The following SLC25A26 variants were observed in gnomAD, a reference collection of about 807,000 sequenced individuals.
SLC25A26 encodes the protein solute carrier family 25 member 26, also known as mitochondrial S-adenosylmethionine carrier protein.
In SLC25A26, 36 loss-of-function variants were observed where a neutral mutation model predicts 37.8. The ratio of observed to expected loss-of-function variants is 0.95; its 90% CI spans 0.73 to 1.26. The LOEUF is 1.26. SLC25A26 is among the 50% of genes most tolerant of loss of function. SLC25A26 has a pLI of 0.00. For missense variants in SLC25A26, 390 were observed against 331.1 expected (o/e 1.18, Z -1.38); for synonymous variants, 129 against 122.5 (o/e 1.05, Z -0.35).
rs2072667458 is a variant in SLC25A26, at chr3:66,243,263, C to T, written c.251C>T (p.Ser84Leu). Residue 84 changes from serine (S) to leucine (L), a missense_variant, in exon 3 of 10, where the codon TCA becomes TTA. Transcript: ENST00000354883. ...TGGTTTTTGCATGCTGATTCATCTT[C>T]ATATTTGACACCTATGAAACATATG... is the stretch of plus-strand genomic sequence containing the variant. ...VKWFLHADSSSYLTPMKHMLA... is the reference protein window; with the variant it reads ...VKWFLHADSSLYLTPMKHMLA... 2 of 1,609,674 alleles carry T rather than the reference C, an allele frequency of 1.2e-6. No homozygotes were observed. Among genetic ancestry groups the T allele is most frequent in the Non-Finnish European group, 1.7e-6 (2 of 1,177,396 alleles).
intron 5 of SLC25A26, among the ~76,000 whole-genome samples, chr3:66,325,393 C>T (rs1301427344): frequency 2.0e-5 from 3 of 152,180 alleles, no homozygotes; most frequent in Non-Finnish European, 4.4e-5. Context: ...AGGTACTATG[C>T]ATAGGGGAAA....
At chr3:66,306,738 T>C (rs111782714) in intron 5 of SLC25A26, among the ~76,000 whole-genome samples, 4 of 152,334 alleles carry the variant, frequency 2.6e-5, no homozygotes, top group African/African-American at 4.8e-5. Context: ...CTCCCACTTA[T>C]GAGCAAGAAC....
intron 5 of SLC25A26, among the ~76,000 whole-genome samples, chr3:66,301,483 C>T (rs1398614834): frequency 6.6e-6 from 1 of 152,174 alleles, no homozygotes; most frequent in African/African-American, 2.4e-5. Context: ...AGTGTGACTT[C>T]TGCATCTGTT....
chr3:66,213,763 A>T (rs2071320049), intron 1 of SLC25A26, among the ~76,000 whole-genome samples: 1 of 152,028 alleles, frequency 6.6e-6, no homozygotes, highest in Non-Finnish European at 1.5e-5. Flanking sequence ...CTGCCAAAAA[A>T]TTCTCTGTGC....
chr3:66,284,806 A>T (rs1450603539), intron 5 of SLC25A26, among the ~76,000 whole-genome samples: 1 of 152,244 alleles, frequency 6.6e-6, no homozygotes, highest in East Asian at 1.9e-4. Flanking sequence ...TGAGATATCA[A>T]GAAAACACGG....
intron 1 of SLC25A26, among the ~76,000 whole-genome samples, chr3:66,170,804 T>G (rs960641869): frequency 2.5e-4 from 32 of 128,586 alleles, no homozygotes; most frequent in South Asian, 8.4e-4. Context: ...TTTTTTTTTT[T>G]TTTTTTTTTT....
intron 6 of SLC25A26, among the ~76,000 whole-genome samples, chr3:66,353,153 C>T (rs1012699143): frequency 2.0e-5 from 3 of 152,210 alleles, no homozygotes; most frequent in Non-Finnish European, 4.4e-5. Flanking sequence ...ATAAGGTTGT[C>T]TTTCACCTAG....
At chr3:66,238,574 G>C (rs193080705) in intron 2 of SLC25A26, among the ~76,000 whole-genome samples, 1 of 151,924 alleles carries the variant, frequency 6.6e-6, no homozygotes, top group Non-Finnish European at 1.5e-5. Flanking sequence ...GTAGAGACGG[G>C]GTTTCACCAT....
At chr3:66,358,465 C>A (rs978695385) in intron 6 of SLC25A26, among the ~76,000 whole-genome samples, 1 of 152,218 alleles carries the variant, frequency 6.6e-6, no homozygotes, top group South Asian at 2.1e-4. Flanking sequence ...TAAGTCATTC[C>A]GGTAGAAATT....
At chr3:66,273,578 C>T (rs1375637605) in intron 5 of SLC25A26, among the ~76,000 whole-genome samples, 4 of 152,034 alleles carry the variant, frequency 2.6e-5, no homozygotes, top group African/African-American at 9.7e-5. Context: ...AATCAATGTA[C>T]AAAAATCACA....
intron 5 of SLC25A26, 103 bp from the exon 6 acceptor site, chr3:66,346,261 C>A: frequency 3.5e-6 from 2 of 566,988 alleles, no homozygotes; most frequent in Non-Finnish European, 6.1e-6. Context: ...TTGATATTAG[C>A]TTTGTTATAA....
intron 3 of SLC25A26, among the ~76,000 whole-genome samples, chr3:66,253,114 TG>T: frequency 7.0e-6 from 1 of 143,292 alleles, no homozygotes; most frequent in Non-Finnish European, 1.5e-5. Flanking sequence ...ATATTAAGAA[TG>T]TTGAGATGGG....
chr3:66,241,535 G>A (rs782598322), intron 2 of SLC25A26, among the ~76,000 whole-genome samples: 29 of 152,090 alleles, frequency 1.9e-4, no homozygotes, highest in East Asian at 3.9e-4. Context: ...TTCTTCCCTC[G>A]GGAGTTTACA....
chr3:66,163,353 T>C (rs761406723), intron 1 of SLC25A26, among the ~76,000 whole-genome samples: 12 of 152,222 alleles, frequency 7.9e-5, no homozygotes, highest in Non-Finnish European at 1.6e-4. Flanking sequence ...AAGATTGATA[T>C]ATTTTTCTCA....
chr3:66,259,679 C>A (rs764417143), intron 3 of SLC25A26, among the ~76,000 whole-genome samples: 1 of 152,188 alleles, frequency 6.6e-6, no homozygotes, highest in African/African-American at 2.4e-5. Flanking sequence ...CTATAGCAGT[C>A]TCGTAACCCA....
intron 1 of SLC25A26, among the ~76,000 whole-genome samples, chr3:66,160,220 CCTCAGG>C: frequency 6.6e-6 from 1 of 152,192 alleles, no homozygotes; most frequent in Non-Finnish European, 1.5e-5. Context: ...GAGCACCTGA[CCTCAGG>C]TGATCTGCCT....
chr3:66,317,946 C>T lies in SLC25A26; in HGVS notation c.454-28418C>T, dbSNP rs191642835. On this transcript the variant is annotated intron_variant, in intron 5 of 9. Coordinates refer to ENST00000354883, the MANE Select transcript of SLC25A26 (RefSeq NM_001379210.1). ...GGAGTTGCTTCTGGTCCAAACCACC[C>T]GGTCTTGCTGGCACTGGTGGCAGGG... is the stretch of plus-strand genomic sequence containing the variant. Among the ~76,000 whole-genome samples, 7 of 152,304 alleles carry T rather than the reference C, an allele frequency of 4.6e-5. No individual in the cohort carries two copies. In the East Asian group the frequency reaches 1.2e-3, roughly 25 times the overall value.
chr3:66,344,603 A>G (rs752395115), intron 5 of SLC25A26, among the ~76,000 whole-genome samples: 1 of 152,254 alleles, frequency 6.6e-6, no homozygotes, highest in Non-Finnish European at 1.5e-5. Context: ...TTTCCCTTGC[A>G]GCTGGGCTGC....
chr3:66,352,834 C>T (rs1266618300), intron 6 of SLC25A26, among the ~76,000 whole-genome samples: 1 of 152,108 alleles, frequency 6.6e-6, no homozygotes, highest in Non-Finnish European at 1.5e-5. Flanking sequence ...GGCCTTAGAT[C>T]ACATGTCACC....
Sources: allele counts gnomAD v4.1 joint callset (sites outside exome capture counted in the v4.1 genomes callset), GRCh38; gene constraint gnomAD v4.1.1; transcripts MANE v1.5; gene names NCBI Gene and HGNC (gene_info 2026-07-23, HGNC 2026-07-21).